COL20A1: variants seen among roughly 807,000 people sequenced by gnomAD.
COL20A1 encodes the protein collagen alpha-1(XX) chain.
COL20A1 carries 164 observed loss-of-function variants against 152.9 expected under a neutral mutation model. The ratio of observed to expected loss-of-function variants is 1.07; its 90% CI spans 0.94 to 1.22. COL20A1 has a LOEUF of 1.22. Ranked by LOEUF, COL20A1 falls within the 50% of genes most tolerant of loss-of-function variation. The pLI is 0.00. For synonymous variants in COL20A1, 864 were observed against 756.0 expected (o/e 1.14, Z -2.34); for missense variants, 1,873 against 1,744.8 (o/e 1.07, Z -1.31).
rs2068131737 is a variant in COL20A1 at position 63,319,594 on chromosome 20, A to G, written c.2914A>G (p.Lys972Glu). The change falls in exon 23 of 36, where the codon AAG becomes GAG. Residue 972 changes from lysine (K) to glutamate (E), a missense_variant and splice_region_variant. Physicochemically the swap from Lys to Glu is moderately conservative, Grantham distance 56. Coordinates refer to ENST00000358894, the MANE Select transcript of COL20A1 (RefSeq NM_020882.4). This position sits in a 1 kb window ranked among gnomAD's most constrained non-coding sequence, Gnocchi z 4.4. ...VRKIFFGSFH[K>E]VHVAVGRSKV... ...GAAGATTTTCTTCGGGAGCTTCCAC[A>G]AGGTCCTGGTGCAGCTCGCGCCCCT... The G allele has an allele frequency of 2.5e-6, 4 of 1,571,138 alleles. No homozygotes were observed. The highest frequency in any genetic ancestry group is 2.7e-5 in the African/African-American group (2 of 73,744).
rs888546921 is a variant in COL20A1, at chr20:63,314,823, C to T, written c.2489-581C>T. Among the ~76,000 whole-genome samples the T allele has an allele frequency of 3.0e-5, 4 of 135,266 alleles. No homozygotes were observed. In the South Asian group the frequency reaches 1.0e-3, roughly 34 times the overall value. The allele number at this position is 135,266 out of a possible 152,430, so 88.7% of individuals were successfully genotyped here. The stretch of plus-strand genomic sequence containing the variant: ...TCCCTGGCCCCCAGGACACGCGTGC[C>T]CCCAGCCTGCCCGCACACCAGGCAT... On this transcript the variant is annotated intron_variant, in intron 19 of 35. Coordinates refer to ENST00000358894, the MANE Select transcript of COL20A1 (RefSeq NM_020882.4).
chr20:63,321,114 G>A lies in COL20A1; in HGVS notation c.3240+15G>A, dbSNP rs753643117. The A allele has an allele frequency of 1.5e-5, 23 of 1,560,594 alleles. 1 individual carries two copies. The highest frequency in any genetic ancestry group is 1.5e-4 in the Admixed American group (8 of 55,042). On this transcript the variant is annotated intron_variant, in intron 26 of 35. Coordinates refer to ENST00000358894, the MANE Select transcript of COL20A1 (RefSeq NM_020882.4). ...AAGGACCCCCAGTGAGTCCAGTGGC[G>A]TCTCCTTGGGGTGACCAGGGAACAC...
Position 63,309,458 on chromosome 20 carries a change from T to C in COL20A1, c.1066T>C (p.Cys356Arg). Reference protein sequence around the residue: ...ALAGLLSRLICQRLQGGSPRQ... With the variant: ...ALAGLLSRLIRQRLQGGSPRQ... ...GGCTGGCCTGCTCAGCCGTCTCATC[T>C]GCCAGAGGCTCCAGGGTGGGAGCCC... Residue 356 changes from cysteine (C) to arginine (R), a missense_variant, in exon 9 of 36, where the codon TGC (cysteine) becomes CGC (arginine). Transcript: ENST00000358894. 6.5e-7 allele frequency: 1 copy of C among 1,537,678 alleles called. No homozygotes were observed. Among genetic ancestry groups the C allele is most frequent in the Non-Finnish European group, 8.8e-7 (1 of 1,138,650 alleles).
Position 63,332,099 on chromosome 20 carries a change from A to C in COL20A1, c.*1383A>C, listed in dbSNP as rs970388331. 1 of 152,334 alleles carries C rather than the reference A, an allele frequency of 6.6e-6. No individual in the cohort carries two copies. The highest frequency in any genetic ancestry group is 2.4e-5 in the African/African-American group (1 of 41,470). The allele number at this position is 152,334 out of a possible 1,614,324, so 9.4% of individuals were successfully genotyped here. On this transcript the variant is annotated 3_prime_UTR_variant, in exon 36 of 36. Coordinates refer to ENST00000358894, the MANE Select transcript of COL20A1 (RefSeq NM_020882.4). Reference sequence around the variant, plus strand: ...TGCAGCATGAGAACAGAAACAGACCACTGAAAATTCCCAAAGTCTGTGGAC... The same window carrying C: ...TGCAGCATGAGAACAGAAACAGACCCCTGAAAATTCCCAAAGTCTGTGGAC...
chr20:63,327,432 G>A (rs560996790), intron 31 of COL20A1: 14 of 175,348 alleles, frequency 8.0e-5, no homozygotes, highest in Admixed American at 2.2e-4. Context: ...GTGGTGGGGC[G>A]GCAGGCTCCA....
chr20:63,320,667 G>A (rs2068149616), intron 25 of COL20A1, among the ~76,000 whole-genome samples: 1 of 94,402 alleles, frequency 1.1e-5, no homozygotes, highest in Non-Finnish European at 2.4e-5. Context: ...AGGCCAGAGA[G>A]CCCCTCTCAT....
chr20:63,329,139 C>T (rs1180853112), intron 34 of COL20A1: 1 of 188,972 alleles, frequency 5.3e-6, no homozygotes, highest in Non-Finnish European at 1.1e-5. Context: ...CGGCTGAATC[C>T]CACCCCTCAT....
In COL20A1 at chr20:63,319,883, G is replaced by A. The variant is rs1369315414; in HGVS notation, c.2917-156G>A. 2.0e-5 allele frequency among the ~76,000 whole-genome samples: 3 copies of A among 152,154 alleles called. No individual in the cohort carries two copies. Among genetic ancestry groups the A allele is most frequent in the African/African-American group, 7.2e-5 (3 of 41,450 alleles). ...GGAAGCCGAGGCCCAGCAAGGGGGGGTTCTCCCAGGGTCCCCCGAAACCTG... is the reference window on the plus strand; with the variant it reads ...GGAAGCCGAGGCCCAGCAAGGGGGGATTCTCCCAGGGTCCCCCGAAACCTG... On this transcript the variant is annotated intron_variant, in intron 23 of 35. Coordinates refer to ENST00000358894, the MANE Select transcript of COL20A1 (RefSeq NM_020882.4). This position sits in a 1 kb window ranked among gnomAD's most constrained non-coding sequence, Gnocchi z 4.4.
intron 1 of COL20A1, 142 bp from the exon 2 acceptor site, chr20:63,294,956 G>C: frequency 1.7e-6 from 1 of 601,640 alleles, no homozygotes; most frequent in Non-Finnish European, 3.0e-6. Flanking sequence ...GCAGGCCTCT[G>C]GTCCTCACAC....
intron 20 of COL20A1, among the ~76,000 whole-genome samples, 191 bp downstream of exon 20, chr20:63,315,630 A>T (rs1477694998): frequency 1.3e-5 from 2 of 152,160 alleles, no homozygotes; most frequent in Non-Finnish European, 2.9e-5. Flanking sequence ...TCACTGAGGG[A>T]GCCGAAGGTT....
chr20:63,310,004 C>G (rs2067983986), intron 10 of COL20A1, 89 bp downstream of exon 10: 6 of 1,218,594 alleles, frequency 4.9e-6, no homozygotes, highest in Non-Finnish European at 5.7e-6. Context: ...AATAAAGGCC[C>G]ACAAATAACT....
rs367931244 is a variant in COL20A1 at position 63,313,926 on chromosome 20, C to T, written c.2358+35C>T. 32 of 1,581,262 alleles carry T rather than the reference C, an allele frequency of 2.0e-5. No individual in the cohort carries two copies. The highest frequency in any genetic ancestry group is 2.7e-5 in the African/African-American group (2 of 74,040). On this transcript the variant is annotated intron_variant, in intron 18 of 35. Coordinates refer to ENST00000358894, the MANE Select transcript of COL20A1 (RefSeq NM_020882.4). This position sits in a 1 kb window ranked among gnomAD's most constrained non-coding sequence, Gnocchi z 5.9. ...GGTAGAGCCTGAGGCTGCCCCACCT[C>T]GTGGGGCCTCCTGGAAGGGGTATGG...
At position 63,308,791 on chromosome 20, in the gene COL20A1, T is replaced by G. The variant is rs1481851863; in HGVS notation, c.940+85T>G. 4.9e-6 allele frequency: 6 copies of G among 1,228,592 alleles called. No homozygotes were observed. In the Admixed American group the frequency reaches 1.1e-4, roughly 23 times the overall value. 76.1% of individuals were successfully genotyped at this position (1,228,592 alleles called of 1,614,324 possible). A position where few individuals can be genotyped will look rare whatever the true frequency, so the allele number is the denominator to read the frequency against. ...CAGCAGGGAGCTTGCATTGGGCACC[T>G]GGTCCCTGAGCCCCAGCTTCCACAT... On this transcript the variant is annotated intron_variant, in intron 8 of 35. Coordinates refer to ENST00000358894, the MANE Select transcript of COL20A1 (RefSeq NM_020882.4).
rs1200593338 is a variant in COL20A1, at chr20:63,312,782, C to T, written c.1934-10C>T. The T allele has an allele frequency of 6.5e-7, 1 of 1,540,674 alleles. No individual in the cohort carries two copies. Among genetic ancestry groups the T allele is most frequent in the East Asian group, 2.4e-5 (1 of 41,360 alleles). ...GCTACACCCCCAGCCTGTGTCTCCA[C>T]TTCCTTCAGAGAAAGCTCCCAGCCC... is the stretch of plus-strand genomic sequence containing the variant. On this transcript the variant is annotated splice_polypyrimidine_tract_variant and intron_variant, in intron 15 of 35. Transcript: ENST00000358894.
intron 3 of COL20A1, among the ~76,000 whole-genome samples, chr20:63,302,289 T>C (rs2123380602): frequency 6.6e-6 from 1 of 152,344 alleles, no homozygotes; most frequent in East Asian, 1.9e-4. Flanking sequence ...TATTTAGTTG[T>C]GTAGAGTTTT....
Position 63,326,158 on chromosome 20 carries a change from C to T in COL20A1, c.3456+9C>T, listed in dbSNP as rs1455686759. Reference sequence around the variant, plus strand: ...GACCCCCTGGCCCCAGGGTAGGCACCGACCTCCCATGACCCCGACCCCCAC... The same window carrying T: ...GACCCCCTGGCCCCAGGGTAGGCACTGACCTCCCATGACCCCGACCCCCAC... On this transcript the variant is annotated intron_variant, in intron 30 of 35. Transcript: ENST00000358894. 5.6e-6 allele frequency: 9 copies of T among 1,608,846 alleles called. No individual in the cohort carries two copies. Among genetic ancestry groups the T allele is most frequent in the East Asian group, 4.5e-5 (2 of 44,844 alleles).
intron 3 of COL20A1, among the ~76,000 whole-genome samples, chr20:63,304,231 G>A (rs547525633): frequency 3.2e-5 from 3 of 94,648 alleles, no homozygotes; most frequent in East Asian, 7.2e-4. Context: ...AGGTGTGCAC[G>A]TGTGGGTTCC....
chr20:63,311,279 C>T lies in COL20A1; in HGVS notation c.1394-115C>T. ...AGCCTGGGAAGTGCCACTTTGAATC[C>T]TGTGCACCTGCCAGGCGGTGGCCGT... On this transcript the variant is annotated intron_variant, in intron 11 of 35. Coordinates refer to ENST00000358894, the MANE Select transcript of COL20A1 (RefSeq NM_020882.4). The surrounding 1 kb of genome is among the most constrained non-coding windows in gnomAD (Gnocchi z 4.4). 4.2e-6 allele frequency: 5 copies of T among 1,183,178 alleles called. No individual in the cohort carries two copies. The highest frequency in any genetic ancestry group is 5.8e-6 in the Non-Finnish European group (5 of 864,334). 73.3% of individuals were successfully genotyped at this position (1,183,178 alleles called of 1,614,324 possible). A position where few individuals can be genotyped will look rare whatever the true frequency, so the allele number is the denominator to read the frequency against.
At position 63,313,940 on chromosome 20, in the gene COL20A1, G is replaced by A. The variant is rs2068051633; in HGVS notation, c.2358+49G>A. 6.3e-7 allele frequency: 1 copy of A among 1,582,616 alleles called. No individual in the cohort carries two copies. Among genetic ancestry groups the A allele is most frequent in the Non-Finnish European group, 8.6e-7 (1 of 1,164,210 alleles). Reference sequence around the variant, plus strand: ...CTGCCCCACCTCGTGGGGCCTCCTGGAAGGGGTATGGCCACACTGTCTGCG... The same window carrying A: ...CTGCCCCACCTCGTGGGGCCTCCTGAAAGGGGTATGGCCACACTGTCTGCG... On this transcript the variant is annotated intron_variant, in intron 18 of 35. Coordinates refer to ENST00000358894, the MANE Select transcript of COL20A1 (RefSeq NM_020882.4). The surrounding 1 kb of genome is among the most constrained non-coding windows in gnomAD (Gnocchi z 5.9).
Sources: gnomAD v4.1 joint callset for allele counts (sites outside exome capture counted in the v4.1 genomes callset) on GRCh38, gnomAD v4.1.1 for gene constraint, Gnocchi (gnomAD v3.1) non-coding constraint, MANE v1.5 for transcripts, NCBI Gene and HGNC (gene_info 2026-07-23, HGNC 2026-07-21) for gene names.